Variants in KCNIP3 observed in about 807,000 individuals in gnomAD.
The protein encoded by KCNIP3 is calsenilin.
A neutral mutation model predicts 35.0 loss-of-function variants in KCNIP3; 28 were observed. The ratio of observed to expected loss-of-function variants is 0.80; its 90% CI spans 0.59 to 1.10. The LOEUF (loss-of-function observed/expected upper bound fraction) is 1.10, where lower values mean the gene tolerates loss of function less well. Ranked by LOEUF, KCNIP3 falls within the 50% of genes least tolerant of loss-of-function variation. The probability of loss-of-function intolerance (pLI) is 0.00; values close to 1 mark genes in which losing one functional copy is unlikely to be tolerated. For missense variants in KCNIP3, 295 were observed against 338.4 expected (o/e 0.87, Z 1.01); for synonymous variants, 134 against 133.8 (o/e 1.00, Z -0.01).
In KCNIP3 at chr2:95,374,741, C is replaced by T. The variant is rs1338260222; in HGVS notation, c.307-107C>T. On this transcript the variant is annotated intron_variant, in intron 3 of 8. Coordinates refer to ENST00000295225, the MANE Select transcript of KCNIP3 (RefSeq NM_013434.5). ...CAGGGGGCCCCAGCAGTGCCACAGG[C>T]AGCAGGCAGCCCCCAAGGGGGTGGA... 8.4e-6 allele frequency: 11 copies of T among 1,306,848 alleles called. No individual in the cohort carries two copies. The East Asian group carries it at 2.2e-4, about 26-fold the overall frequency. 81.0% of individuals were successfully genotyped at this position (1,306,848 alleles called of 1,614,324 possible).
chr2:95,368,558 AT>A, intron 2 of KCNIP3: 2 of 393,318 alleles, frequency 5.1e-6, no homozygotes, highest in Middle Eastern at 4.6e-4. Context: ...AGTCATAACC[AT>A]TTTGCCATCC....
rs183592490 is a variant in KCNIP3, at chr2:95,359,213, G to A, written c.182-15083G>A. 2.6e-5 allele frequency among the ~76,000 whole-genome samples: 4 copies of A among 152,238 alleles called. No individual in the cohort carries two copies. The East Asian group carries it at 7.7e-4, about 29-fold the overall frequency. ...TAAGCCCAGAGTCTCATCTAAATCAGATATGGGTGAGACTCAAGGCATGAT... is the reference window on the plus strand; with the variant it reads ...TAAGCCCAGAGTCTCATCTAAATCAAATATGGGTGAGACTCAAGGCATGAT... On this transcript the variant is annotated intron_variant, in intron 2 of 8. Coordinates refer to ENST00000295225, the MANE Select transcript of KCNIP3 (RefSeq NM_013434.5).
intron 2 of KCNIP3, among the ~76,000 whole-genome samples, chr2:95,354,423 A>G (rs1319705286): frequency 6.6e-6 from 1 of 152,162 alleles, no homozygotes; most frequent in Non-Finnish European, 1.5e-5. Context: ...CCCTACCTTT[A>G]CAGTAGCTCT....
rs201497145 is a variant in KCNIP3, at chr2:95,325,964, CAT to C, written c.181+15446_181+15447del. On this transcript the variant is annotated intron_variant, in intron 2 of 8. Transcript: ENST00000295225. ...ATACACACTCACACATACACACACT[CAT>C]AGGCACACATACACTCCTACACACT... 1.1e-3 allele frequency among the ~76,000 whole-genome samples: 168 copies of C among 150,930 alleles called. 2 individuals are homozygous for C. In the East Asian group the frequency reaches 0.016, roughly 15 times the overall value.
In KCNIP3 at chr2:95,353,280, A is replaced by G. The variant is rs530878427; in HGVS notation, c.182-21016A>G. Among the ~76,000 whole-genome samples, 4 of 152,328 alleles carry G rather than the reference A, an allele frequency of 2.6e-5. No homozygotes were observed. The South Asian group carries it at 6.2e-4, about 24-fold the overall frequency. ...GGGGGCCTCTCCCAGCACTCCCCAC[A>G]CAACTGATCCCAGAGGAAGAGCAGC... On this transcript the variant is annotated intron_variant, in intron 2 of 8. Coordinates refer to ENST00000295225, the MANE Select transcript of KCNIP3 (RefSeq NM_013434.5).
intron 2 of KCNIP3, chr2:95,347,077 G>A: frequency 6.2e-7 from 1 of 1,612,014 alleles, no homozygotes; most frequent in East Asian, 2.2e-5. Context: ...GCTGTTCATC[G>A]CCGTCCTCAA....
At chr2:95,316,039 T>C (rs1455630705) in intron 2 of KCNIP3, among the ~76,000 whole-genome samples, 2 of 152,190 alleles carry the variant, frequency 1.3e-5, no homozygotes. Context: ...CATCAGGCGC[T>C]CCACCCCCAC....
At chr2:95,341,375 C>T (rs1558768120) in intron 2 of KCNIP3, among the ~76,000 whole-genome samples, 1 of 152,156 alleles carries the variant, frequency 6.6e-6, no homozygotes, top group Non-Finnish European at 1.5e-5. Flanking sequence ...GATGAATATA[C>T]CTCTTTTCTT....
intron 2 of KCNIP3, among the ~76,000 whole-genome samples, chr2:95,352,177 C>T (rs765001399): frequency 2.6e-5 from 4 of 152,152 alleles, no homozygotes; most frequent in Non-Finnish European, 4.4e-5. Flanking sequence ...GCAAGAGAAT[C>T]ACTTGAACCC....
chr2:95,348,650 C>A (rs1484878874), intron 2 of KCNIP3, among the ~76,000 whole-genome samples: 9 of 152,202 alleles, frequency 5.9e-5, no homozygotes, highest in Non-Finnish European at 1.3e-4. Flanking sequence ...GGTTTCTTTG[C>A]AAGGTGGACA....
At chr2:95,316,804 C>T (rs1678471196) in intron 2 of KCNIP3, among the ~76,000 whole-genome samples, 2 of 152,204 alleles carry the variant, frequency 1.3e-5, no homozygotes. Flanking sequence ...TGGTGAAACT[C>T]AGGAAGAATG....
In KCNIP3 at chr2:95,384,033, T is replaced by G; in HGVS notation, c.755T>G (p.Phe252Cys). The change falls in exon 9 of 9, where the codon TTT (phenylalanine) becomes TGT (cysteine). Residue 252 changes from phenylalanine (F) to cysteine (C), a missense_variant. By Grantham distance (205) the Phe-to-Cys change is radical. Transcript: ENST00000295225. ...AACATCATGAGCTCCATGCAGCTGT[T>G]TGAGAATGTCATCTAGGACACGTCC... ...DENIMSSMQL[F>C]ENVI 1 of 1,613,982 alleles carries G rather than the reference T, an allele frequency of 6.2e-7. No individual in the cohort carries two copies. The highest frequency in any genetic ancestry group is 8.5e-7 in the Non-Finnish European group (1 of 1,179,982).
chr2:95,371,646 G>T (rs1231636629), intron 2 of KCNIP3, among the ~76,000 whole-genome samples: 1 of 151,982 alleles, frequency 6.6e-6, no homozygotes, highest in East Asian at 1.9e-4. Flanking sequence ...TGACTTTTTT[G>T]TTTCTCTCTT....
chr2:95,319,073 T>A (rs1471914490), intron 2 of KCNIP3, among the ~76,000 whole-genome samples: 1 of 152,218 alleles, frequency 6.6e-6, no homozygotes, highest in African/African-American at 2.4e-5. Context: ...GCCTGGCACA[T>A]AAAATACCTG....
intron 1 of KCNIP3, among the ~76,000 whole-genome samples, chr2:95,304,751 C>T (rs925738432): frequency 1.3e-5 from 2 of 152,194 alleles, no homozygotes; most frequent in African/African-American, 4.8e-5. Flanking sequence ...CTCCAAACAA[C>T]TAACTCAGCA....
At chr2:95,307,479 C>G (rs1678205632) in intron 1 of KCNIP3, among the ~76,000 whole-genome samples, 1 of 152,244 alleles carries the variant, frequency 6.6e-6, no homozygotes, top group Admixed American at 6.5e-5. Flanking sequence ...GTTTCCTCAT[C>G]TGTGAAATGG....
intron 1 of KCNIP3, among the ~76,000 whole-genome samples, chr2:95,306,601 T>C (rs1273773085): frequency 6.6e-6 from 1 of 152,096 alleles, no homozygotes; most frequent in African/African-American, 2.4e-5. Context: ...CTTAAACGCC[T>C]GGGGCAGAAG....
intron 1 of KCNIP3, among the ~76,000 whole-genome samples, chr2:95,306,916 C>T (rs1573478935): frequency 6.6e-6 from 1 of 152,330 alleles, no homozygotes; most frequent in Non-Finnish European, 1.5e-5. Flanking sequence ...GACCCTCTTC[C>T]AGACAGACAA....
At chr2:95,347,256 G>T (rs994855179) in intron 2 of KCNIP3, 1 of 728,360 alleles carries the variant, frequency 1.4e-6, no homozygotes, top group South Asian at 1.8e-5. Flanking sequence ...TCCCGGCTCC[G>T]GAGGGTTGGG....
Sources: allele counts gnomAD v4.1 joint callset (sites outside exome capture counted in the v4.1 genomes callset), GRCh38; gene constraint gnomAD v4.1.1; transcripts MANE v1.5; gene names NCBI Gene and HGNC (gene_info 2026-07-23, HGNC 2026-07-21).